NRXN1: variants seen among roughly 807,000 people sequenced by gnomAD.
NRXN1 encodes the protein neurexin-1.
NRXN1 carries 39 observed loss-of-function variants against 150.9 expected under a neutral mutation model. The observed-to-expected ratio is 0.26, with a 90% CI of 0.20 to 0.34. The LOEUF (loss-of-function observed/expected upper bound fraction) is 0.34. Ranked by LOEUF, NRXN1 falls within the 10% of genes least tolerant of loss-of-function variation. The pLI, the probability that NRXN1 is intolerant of heterozygous loss-of-function variation, is 1.00. For synonymous variants in NRXN1, 924 were observed against 757.0 expected (o/e 1.22, Z -3.62); for missense variants, 1,815 against 1,949.9 (o/e 0.93, Z 1.30).
chr2:50,330,278 G>A (rs779169317), intron 17 of NRXN1, among the ~76,000 whole-genome samples: 11 of 151,834 alleles, frequency 7.2e-5, no homozygotes, highest in Non-Finnish European at 1.6e-4. Context: ...TTCTATTTTC[G>A]TTCTCAAACT....
intron 17 of NRXN1, among the ~76,000 whole-genome samples, chr2:50,448,695 A>G (rs1372192079): frequency 6.6e-6 from 1 of 152,162 alleles, no homozygotes; most frequent in East Asian, 1.9e-4. Flanking sequence ...GATACACTAA[A>G]AAGCATATGC....
chr2:51,029,387 C>G (rs1287958744), intron 1 of NRXN1, among the ~76,000 whole-genome samples, 193 bp from the exon 2 acceptor site: 1 of 152,214 alleles, frequency 6.6e-6, no homozygotes, highest in Non-Finnish European at 1.5e-5. Context: ...GACACTTTTA[C>G]AGTCAGCCAT....
intron 18 of NRXN1, among the ~76,000 whole-genome samples, chr2:50,236,405 G>T (rs989709369): frequency 3.3e-5 from 5 of 151,936 alleles, no homozygotes; most frequent in Non-Finnish European, 7.4e-5. Context: ...ACAGAATCCA[G>T]ATCTTTGGAT....
chr2:49,948,408 G>T (rs375738428), intron 21 of NRXN1, among the ~76,000 whole-genome samples: 6 of 151,952 alleles, frequency 3.9e-5, no homozygotes, highest in African/African-American at 1.4e-4. Flanking sequence ...CTACAAATGC[G>T]ACCCTTTTGT....
intron 17 of NRXN1, among the ~76,000 whole-genome samples, chr2:50,373,394 T>C (rs2080180208): frequency 6.7e-6 from 1 of 149,154 alleles, no homozygotes; most frequent in Non-Finnish European, 1.5e-5. Flanking sequence ...TTGTTGTTGA[T>C]ATTCCTCTTC....
chr2:50,061,419 C>T (rs1370865820), intron 19 of NRXN1, among the ~76,000 whole-genome samples: 1 of 152,140 alleles, frequency 6.6e-6, no homozygotes, highest in Non-Finnish European at 1.5e-5. Context: ...TCAGTGTAAG[C>T]AGGCTTAAGC....
At chr2:49,923,054 C>G (rs1668502001) in intron 22 of NRXN1, among the ~76,000 whole-genome samples, 1 of 152,100 alleles carries the variant, frequency 6.6e-6, no homozygotes, top group Non-Finnish European at 1.5e-5. Context: ...TGACAAAACC[C>G]TTCTTCAGTC....
At chr2:50,104,553 G>A (rs1701389456) in intron 18 of NRXN1, among the ~76,000 whole-genome samples, 1 of 151,998 alleles carries the variant, frequency 6.6e-6, no homozygotes, top group African/African-American at 2.4e-5. Flanking sequence ...GCAGATGCGT[G>A]ATGATGATAA....
At chr2:50,013,611 T>G (rs1225866755) in intron 21 of NRXN1, among the ~76,000 whole-genome samples, 1 of 152,130 alleles carries the variant, frequency 6.6e-6, no homozygotes, top group East Asian at 1.9e-4. Context: ...ATGAAATAAT[T>G]TACAACATCT....
intron 17 of NRXN1, among the ~76,000 whole-genome samples, chr2:50,342,507 C>T (rs80171356): frequency 0.021 from 3,273 of 152,270 alleles, 127 homozygotes; most frequent in African/African-American, 0.075. Flanking sequence ...GTTTTGCTAG[C>T]TCTCTTGGTT....
chr2:50,895,164 T>C (rs1167644274), intron 5 of NRXN1, among the ~76,000 whole-genome samples: 5 of 152,090 alleles, frequency 3.3e-5, no homozygotes, highest in African/African-American at 1.2e-4. Context: ...TCAGTACATC[T>C]CAAACGCTGT....
intron 17 of NRXN1, among the ~76,000 whole-genome samples, chr2:50,354,121 G>T (rs896059444): frequency 6.6e-6 from 1 of 152,148 alleles, no homozygotes; most frequent in African/African-American, 2.4e-5. Context: ...CCTAAGCATA[G>T]ATCATAGTGC....
At chr2:50,374,714 GA>G (rs968684858) in intron 17 of NRXN1, among the ~76,000 whole-genome samples, 30 of 152,280 alleles carry the variant, frequency 2.0e-4, no homozygotes, top group African/African-American at 7.2e-4. Context: ...TTTATGTGAT[GA>G]AATTTTTAAC....
intron 17 of NRXN1, among the ~76,000 whole-genome samples, chr2:50,247,479 G>T (rs1392635526): frequency 1.3e-5 from 2 of 152,066 alleles, no homozygotes; most frequent in Admixed American, 6.6e-5. Flanking sequence ...TCAAATTCAG[G>T]TTCTCCAAAT....
At chr2:50,471,210 G>T (rs1486449762) in intron 16 of NRXN1, among the ~76,000 whole-genome samples, 1 of 151,608 alleles carries the variant, frequency 6.6e-6, no homozygotes, top group Non-Finnish European at 1.5e-5. Context: ...CTCAAGTCTT[G>T]TACGTTGTAC....
intron 9 of NRXN1, among the ~76,000 whole-genome samples, chr2:50,550,928 G>A (rs1361446596): frequency 6.6e-6 from 1 of 151,766 alleles, no homozygotes; most frequent in Non-Finnish European, 1.5e-5. Flanking sequence ...TGATCTGCCT[G>A]CCTTGGCCTC....
In NRXN1 at chr2:50,334,195, A is replaced by T. The variant is rs370433040; in HGVS notation, c.3365-97225T>A. Among the ~76,000 whole-genome samples the T allele has an allele frequency of 9.4e-5, 9 of 95,356 alleles. No individual in the cohort carries two copies. In the South Asian group the frequency reaches 9.6e-4, roughly 10 times the overall value. 62.6% of individuals were successfully genotyped at this position (95,356 alleles called of 152,430 possible). ...CCTTTCCTTAAGACCAGGACCAAAT[A>T]TATATATATATATATATGTATGTAG... is the stretch of plus-strand genomic sequence containing the variant. On this transcript the variant is annotated intron_variant, in intron 17 of 22. Coordinates refer to ENST00000401669, the MANE Select transcript of NRXN1 (RefSeq NM_001330078.2).
chr2:51,016,050 G>A (rs1392901002), intron 2 of NRXN1, among the ~76,000 whole-genome samples: 2 of 152,006 alleles, frequency 1.3e-5, no homozygotes, highest in African/African-American at 4.8e-5. Flanking sequence ...ACAGAACAGA[G>A]ACCTCAGAAA....
chr2:49,979,046 C>T (rs746642453), intron 21 of NRXN1, among the ~76,000 whole-genome samples: 3 of 152,240 alleles, frequency 2.0e-5, no homozygotes, highest in Non-Finnish European at 2.9e-5. Flanking sequence ...TGCCTGTAAT[C>T]CCAGTTCTTT....
Sources: allele counts gnomAD v4.1 joint callset (sites outside exome capture counted in the v4.1 genomes callset), GRCh38; gene constraint gnomAD v4.1.1; transcripts MANE v1.5; gene names NCBI Gene and HGNC (gene_info 2026-07-23, HGNC 2026-07-21).